Variants in DNAH7 observed in about 807,000 individuals in gnomAD.
DNAH7 encodes the protein axonemal beta dynein heavy chain 7.
DNAH7 carries 397 observed loss-of-function variants against 444.6 expected under a neutral mutation model. The ratio of observed to expected loss-of-function variants is 0.89; its 90% confidence interval spans 0.82 to 0.97. The LOEUF is 0.97. Among genes scored for constraint, DNAH7 ranks in the 50% least tolerant of loss-of-function variants. The pLI, the probability that DNAH7 is intolerant of heterozygous loss-of-function variation, is 0.00. For synonymous variants in DNAH7, 1,636 were observed against 1,624.4 expected (o/e 1.01, Z -0.17); for missense variants, 4,902 against 4,800.8 (o/e 1.02, Z -0.62).
rs145227697 is a variant in DNAH7 at position 195,863,804 on chromosome 2, T to C, written c.7506+345A>G. 1.7e-3 allele frequency among the ~76,000 whole-genome samples: 258 copies of C among 152,280 alleles called. 1 individual carries two copies. Among genetic ancestry groups the C allele is most frequent in the African/African-American group, 6.0e-3 (250 of 41,560 alleles). Reference sequence around the variant, plus strand: ...ACTTCCTGAGTGTTCCAACATCCCCTCTTGGTTCCCTTAACCCTGCCTACC... The same window carrying C: ...ACTTCCTGAGTGTTCCAACATCCCCCCTTGGTTCCCTTAACCCTGCCTACC... On this transcript the variant is annotated intron_variant, in intron 41 of 64. Coordinates refer to ENST00000312428, the MANE Select transcript of DNAH7 (RefSeq NM_018897.3).
rs2125125996 is a variant in DNAH7, at chr2:195,871,842, A to T, written c.6633+408T>A. ...GCTACTTGGGAGGCTTAGGCAGGAG[A>T]ATGGCGTGAACCCGGGAGGTGGAGC... On this transcript the variant is annotated intron_variant, in intron 40 of 64. Coordinates refer to ENST00000312428, the MANE Select transcript of DNAH7 (RefSeq NM_018897.3). Among the ~76,000 whole-genome samples the T allele has an allele frequency of 1.8e-5, 2 of 109,292 alleles. 1 individual carries two copies. Among genetic ancestry groups the T allele is most frequent in the African/African-American group, 1.1e-4 (2 of 17,458 alleles). 71.7% of individuals were successfully genotyped at this position (109,292 alleles called of 152,430 possible). A position where few individuals can be genotyped will look rare whatever the true frequency, so the allele number is the denominator to read the frequency against.
In DNAH7 at chr2:195,856,842, A is replaced by C. The variant is rs1197904010; in HGVS notation, c.8414+535T>G. Among the ~76,000 whole-genome samples, 5 of 152,180 alleles carry C rather than the reference A, an allele frequency of 3.3e-5. No homozygotes were observed. In the East Asian group the frequency reaches 7.7e-4, roughly 24 times the overall value. On this transcript the variant is annotated intron_variant, in intron 44 of 64. Coordinates refer to ENST00000312428, the MANE Select transcript of DNAH7 (RefSeq NM_018897.3). ...GTGATGGTGGATTTTTTTTTAATATACTTTAATTAAAACAACATATTGCAA... is the reference window on the plus strand; with the variant it reads ...GTGATGGTGGATTTTTTTTTAATATCCTTTAATTAAAACAACATATTGCAA...
chr2:195,838,463 GA>G (rs560817517), intron 47 of DNAH7, among the ~76,000 whole-genome samples: 1 of 149,008 alleles, frequency 6.7e-6, no homozygotes, highest in African/African-American at 2.5e-5. Context: ...ATTCTCAGGA[GA>G]AAAAAAAACA....
intron 19 of DNAH7, among the ~76,000 whole-genome samples, chr2:195,939,700 C>T (rs546855385): frequency 1.3e-5 from 2 of 152,206 alleles, no homozygotes; most frequent in East Asian, 3.9e-4. Context: ...TACTTCACAA[C>T]CACCCACCAA....
intron 20 of DNAH7, among the ~76,000 whole-genome samples, chr2:195,935,543 G>T (rs1688990759): frequency 6.6e-6 from 1 of 152,108 alleles, no homozygotes; most frequent in African/African-American, 2.4e-5. Flanking sequence ...GGAATCAGCA[G>T]TGGGAAAAAA....
At chr2:196,000,132 T>C (rs911707359) in intron 12 of DNAH7, among the ~76,000 whole-genome samples, 3 of 152,190 alleles carry the variant, frequency 2.0e-5, no homozygotes, top group African/African-American at 7.2e-5. Context: ...ACAGCAAATA[T>C]GTATAAGTTA....
rs1453771181 is a variant in DNAH7 at position 195,926,491 on chromosome 2, C to G, written c.3547G>C (p.Val1183Leu). The G allele has an allele frequency of 2.5e-6, 4 of 1,606,334 alleles. No individual in the cohort carries two copies. The African/African-American group carries it at 4.0e-5, about 16-fold the overall frequency. Residue 1183 changes from valine (V) to leucine (L), a missense_variant, in exon 22 of 65, where the codon GTT becomes CTT. By Grantham distance (32) the Val-to-Leu change is conservative. Coordinates refer to ENST00000312428, the MANE Select transcript of DNAH7 (RefSeq NM_018897.3). ...NWVRDWPGQT[V>L]LCVSQIFWTK... ...CAAAAGATTTGGGATACACAGAGAA[C>G]AGTCTGTCCAGGCCAATCCCTTACC...
chr2:195,861,810 A>G lies in DNAH7; in HGVS notation c.7643T>C (p.Phe2548Ser), dbSNP rs776462402. The change falls in exon 42 of 65, where the codon TTC becomes TCC. Residue 2548 changes from phenylalanine (F) to serine (S), a missense_variant. Physicochemically the swap from Phe to Ser is radical, Grantham distance 155. Transcript: ENST00000312428. ...HTSTIDLSKS[F>S]FVELQRYNYV... ...ATTGTATCTTTGAAGTTCAACAAAG[A>G]AAGATTTGGATAAATCTATAGTAGA... 1.2e-6 allele frequency: 2 copies of G among 1,613,794 alleles called. No homozygotes were observed. The highest frequency in any genetic ancestry group is 8.5e-7 in the Non-Finnish European group (1 of 1,179,728).
chr2:196,065,384 A>T (rs902023058), intron 1 of DNAH7, among the ~76,000 whole-genome samples: 1 of 152,200 alleles, frequency 6.6e-6, no homozygotes, highest in Non-Finnish European at 1.5e-5. Context: ...CATCATAGGA[A>T]CTCAACAACT....
rs190561203 is a variant in DNAH7 at position 196,037,166 on chromosome 2, G to A, written c.399-9119C>T. Among the ~76,000 whole-genome samples the A allele has an allele frequency of 2.1e-3, 321 of 152,078 alleles. 1 individual carries two copies. Among genetic ancestry groups the A allele is most frequent in the African/African-American group, 7.1e-3 (295 of 41,440 alleles). On this transcript the variant is annotated intron_variant, in intron 5 of 64. Coordinates refer to ENST00000312428, the MANE Select transcript of DNAH7 (RefSeq NM_018897.3). ...TCAAATACAATCAAAGTAATCATAC[G>A]AACATTACACTATGGTGTCCACCCA...
chr2:195,751,236 T>C (rs914782192), intron 63 of DNAH7, among the ~76,000 whole-genome samples: 4 of 152,242 alleles, frequency 2.6e-5, no homozygotes, highest in African/African-American at 9.6e-5. Context: ...ATTTCTAAGA[T>C]ATCATATGTC....
rs1386426586 is a variant in DNAH7, at chr2:195,874,270, A to G, written c.6287-576T>C. 2.6e-5 allele frequency among the ~76,000 whole-genome samples: 4 copies of G among 152,200 alleles called. No individual in the cohort carries two copies. In the East Asian group the frequency reaches 7.7e-4, roughly 29 times the overall value. On this transcript the variant is annotated intron_variant, in intron 38 of 64. Coordinates refer to ENST00000312428, the MANE Select transcript of DNAH7 (RefSeq NM_018897.3). Reference sequence around the variant, plus strand: ...GGGGATTTTTCCACAAAATAATGAAAGATTCCTTTGAGCTTATACATTTCT... The same window carrying G: ...GGGGATTTTTCCACAAAATAATGAAGGATTCCTTTGAGCTTATACATTTCT...
chr2:195,921,868 A>G (rs886821500), intron 24 of DNAH7, among the ~76,000 whole-genome samples: 2 of 151,878 alleles, frequency 1.3e-5, no homozygotes, highest in African/African-American at 4.8e-5. Context: ...CGTCAACAAC[A>G]AGTGACACCT....
intron 10 of DNAH7, among the ~76,000 whole-genome samples, chr2:196,010,251 G>T (rs1170620193): frequency 6.6e-6 from 1 of 151,742 alleles, no homozygotes; most frequent in African/African-American, 2.4e-5. Context: ...CCAGGTTCAA[G>T]CGATTCTTCC....
At chr2:195,772,757 T>C (rs1316648406) in intron 60 of DNAH7, among the ~76,000 whole-genome samples, 1 of 151,910 alleles carries the variant, frequency 6.6e-6, no homozygotes, top group Non-Finnish European at 1.5e-5. Context: ...ATATTAATTA[T>C]TTTTACCTAA....
chr2:195,917,832 T>G (rs2125332650), intron 24 of DNAH7, among the ~76,000 whole-genome samples: 1 of 152,290 alleles, frequency 6.6e-6, no homozygotes, highest in South Asian at 2.1e-4. Flanking sequence ...TTTTTGTTTG[T>G]TTGTTTTACA....
intron 54 of DNAH7, among the ~76,000 whole-genome samples, chr2:195,802,928 T>C (rs1696543565): frequency 6.6e-6 from 1 of 152,218 alleles, no homozygotes; most frequent in South Asian, 2.1e-4. Flanking sequence ...ATTATTTAGC[T>C]CTCACTTATA....
intron 5 of DNAH7, 137 bp downstream of exon 5, chr2:196,047,215 T>C: frequency 1.6e-6 from 1 of 611,284 alleles, no homozygotes; most frequent in Non-Finnish European, 2.5e-6. Flanking sequence ...TCTTTCATTC[T>C]TTATTTATAC....
At chr2:195,994,326 TC>T in intron 12 of DNAH7, 1 of 569,318 alleles carries the variant, frequency 1.8e-6, no homozygotes, top group Non-Finnish European at 3.0e-6. Context: ...GCCTTCCTCC[TC>T]CCCAAGGCTC....
Sources: allele counts gnomAD v4.1 joint callset (sites outside exome capture counted in the v4.1 genomes callset), GRCh38; gene constraint gnomAD v4.1.1; transcripts MANE v1.5; gene names NCBI Gene and HGNC (gene_info 2026-07-23, HGNC 2026-07-21).